Variants in ZNF136 observed in about 807,000 individuals in gnomAD.
The protein encoded by ZNF136 is zinc finger protein 136 (clone pHZ-20).
In ZNF136, 8 loss-of-function variants were observed where a neutral mutation model predicts 11.4. The ratio of observed to expected loss-of-function variants is 0.70; its 90% CI spans 0.41 to 1.27. The LOEUF is 1.27. Among genes scored for constraint, ZNF136 ranks in the 50% most tolerant of loss-of-function variants. The pLI is 0.01. For missense variants in ZNF136, 590 were observed against 656.5 expected, an observed-to-expected ratio of 0.90 and a Z score of 1.11; for synonymous variants, 190 against 207.1, an observed-to-expected ratio of 0.92 and a Z score of 0.71.
chr19:12,174,132 T>C (rs1914728250), intron 1 of ZNF136, among the ~76,000 whole-genome samples: 1 of 152,200 alleles, frequency 6.6e-6, no homozygotes, highest in Non-Finnish European at 1.5e-5. Flanking sequence ...CTCAATCTCC[T>C]GGCCTCAGGT....
At chr19:12,169,748 T>C (rs1568397731) in intron 1 of ZNF136, among the ~76,000 whole-genome samples, 4 of 147,240 alleles carry the variant, frequency 2.7e-5, no homozygotes, top group Non-Finnish European at 6.0e-5. Flanking sequence ...AGCTGGGACT[T>C]ACAGGCGCCC....
At chr19:12,163,764 T>G (rs1368119691) in intron 1 of ZNF136, 1 of 152,738 alleles carries the variant, frequency 6.5e-6, no homozygotes, top group African/African-American at 2.4e-5. Flanking sequence ...TTTCAGATAT[T>G]GTGCTTTCAT....
chr19:12,176,623 A>G (rs1914800720), intron 1 of ZNF136, among the ~76,000 whole-genome samples: 1 of 152,146 alleles, frequency 6.6e-6, no homozygotes, highest in Non-Finnish European at 1.5e-5. Flanking sequence ...CACTGCGCCC[A>G]GCCTTTCCAT....
chr19:12,186,878 T>G lies in ZNF136; in HGVS notation c.500T>G (p.Leu167Arg), dbSNP rs2145643361. Reference protein sequence around the residue: ...THEIIHTGEKLYDCKECGKTF... With the variant: ...THEIIHTGEKRYDCKECGKTF... The stretch of plus-strand genomic sequence containing the variant: ...GAGATAATTCACACTGGAGAGAAAC[T>G]CTATGATTGTAAGGAATGTGGAAAA... The change falls in exon 4 of 4, where the codon CTC (leucine) becomes CGC (arginine). Residue 167 changes from leucine to arginine, a missense_variant. By Grantham distance (102) the Leu-to-Arg change is moderately radical. Coordinates refer to ENST00000343979, the MANE Select transcript of ZNF136 (RefSeq NM_003437.5). 1 of 1,613,396 alleles carries G rather than the reference T, an allele frequency of 6.2e-7. No individual in the cohort carries two copies. Among genetic ancestry groups the G allele is most frequent in the Non-Finnish European group, 8.5e-7 (1 of 1,179,772 alleles).
At chr19:12,163,344 C>A in intron 1 of ZNF136, 138 bp downstream of exon 1, 1 of 1,158,862 alleles carries the variant, frequency 8.6e-7, no homozygotes, top group Non-Finnish European at 1.1e-6. Context: ...CAGCTCAGCC[C>A]TTGGTACCCT....
At chr19:12,167,566 A>C (rs189657954) in intron 1 of ZNF136, among the ~76,000 whole-genome samples, 12 of 152,216 alleles carry the variant, frequency 7.9e-5, no homozygotes, top group African/African-American at 2.9e-4. Flanking sequence ...TCTCAAAAAA[A>C]AGAAAAGATA....
intron 1 of ZNF136, among the ~76,000 whole-genome samples, chr19:12,166,654 G>T (rs1019142840): frequency 6.6e-6 from 1 of 152,136 alleles, no homozygotes; most frequent in Admixed American, 6.6e-5. Context: ...TTTACTAAAT[G>T]ATTTGTTATC....
At chr19:12,180,860 C>A (rs1367888531) in intron 1 of ZNF136, among the ~76,000 whole-genome samples, 2 of 152,218 alleles carry the variant, frequency 1.3e-5, no homozygotes, top group Admixed American at 6.5e-5. Flanking sequence ...GAGGAAGGCA[C>A]ACCACTGCAT....
rs751872403 is a variant in ZNF136, at chr19:12,163,189, C to G, written c.-15C>G. The G allele has an allele frequency of 4.3e-6, 6 of 1,400,608 alleles. No individual in the cohort carries two copies. In the African/African-American group the frequency reaches 8.9e-5, roughly 21 times the overall value. 86.8% of individuals were successfully genotyped at this position (1,400,608 alleles called of 1,614,324 possible). On this transcript the variant is annotated 5_prime_UTR_variant, in exon 1 of 4. Transcript: ENST00000343979. The stretch of plus-strand genomic sequence containing the variant: ...GATCCGGAGGGAGGAAGCTGGGACA[C>G]CCGGGAGTCAGGAAATGGTGAGTGT...
intron 1 of ZNF136, among the ~76,000 whole-genome samples, chr19:12,183,363 T>A (rs1334728898): frequency 6.6e-6 from 1 of 152,132 alleles, no homozygotes; most frequent in African/African-American, 2.4e-5. Context: ...CTCAATCTCC[T>A]GAGCTCAAGT....
At position 12,187,719 on chromosome 19, in the gene ZNF136, C is replaced by T. The variant is rs753836443; in HGVS notation, c.1341C>T (p.Pro447=). 1.2e-6 allele frequency: 2 copies of T among 1,613,686 alleles called. No homozygotes were observed. Among genetic ancestry groups the T allele is most frequent in the South Asian group, 1.1e-5 (1 of 91,022 alleles). Residue 447 remains proline (P), a synonymous_variant, in exon 4 of 4, where the codon CCC becomes CCT. Coordinates refer to ENST00000343979, the MANE Select transcript of ZNF136 (RefSeq NM_003437.5). The stretch of plus-strand genomic sequence containing the variant: ...AAAGAACTCATACTGGAGAGAAACC[C>T]TATGAGTGTAAGCAATGTGGGAAAG... ...IHERTHTGEK[P]YECKQCGKAF...
intron 1 of ZNF136, among the ~76,000 whole-genome samples, chr19:12,164,113 G>A (rs898722601): frequency 3.9e-5 from 6 of 152,230 alleles, no homozygotes; most frequent in Admixed American, 6.5e-5. Flanking sequence ...ATAGAAGGCT[G>A]GGAGAATGCC....
Position 12,187,377 on chromosome 19 carries a change from G to C in ZNF136, c.999G>C (p.Glu333Asp). Reference sequence around the variant, plus strand: ...TACATGAAAGAATTCACACTGGTGAGAAACCCTTCGTATGTAAACAATGTG... The same window carrying C: ...TACATGAAAGAATTCACACTGGTGACAAACCCTTCGTATGTAAACAATGTG... Reference protein sequence around the residue: ...LRLHERIHTGEKPFVCKQCGK... With the variant: ...LRLHERIHTGDKPFVCKQCGK... Residue 333 changes from glutamate (E) to aspartate (D), a missense_variant, in exon 4 of 4, where the codon GAG (glutamate) becomes GAC (aspartate). Glu to Asp is a conservative substitution (Grantham distance 45). Coordinates refer to ENST00000343979, the MANE Select transcript of ZNF136 (RefSeq NM_003437.5). The C allele has an allele frequency of 1.2e-6, 2 of 1,614,020 alleles. No homozygotes were observed. The highest frequency in any genetic ancestry group is 1.7e-6 in the Non-Finnish European group (2 of 1,179,992).
At chr19:12,174,367 C>T (rs1914733808) in intron 1 of ZNF136, among the ~76,000 whole-genome samples, 1 of 152,100 alleles carries the variant, frequency 6.6e-6, no homozygotes, top group African/African-American at 2.4e-5. Flanking sequence ...TGTCCCTGTC[C>T]CTGTGTCGAA....
At chr19:12,175,208 T>G (rs552924625) in intron 1 of ZNF136, among the ~76,000 whole-genome samples, 86 of 151,334 alleles carry the variant, frequency 5.7e-4, no homozygotes, top group African/African-American at 1.4e-3. Flanking sequence ...TTTTTTTTTT[T>G]GGGGGGGACA....
chr19:12,184,396 TA>T (rs1180035328), intron 1 of ZNF136, among the ~76,000 whole-genome samples: 3 of 151,770 alleles, frequency 2.0e-5, no homozygotes, highest in African/African-American at 7.3e-5. Flanking sequence ...CTGTCTGTAC[TA>T]AAAAATACAA....
rs188834022 is a variant in ZNF136, at chr19:12,189,845, G to A, written c.*1844G>A. ...GATTTTGGGATAAGGAGACAGCTAT[G>A]ATAGAATAATAAAATCTAAAATGGG... is the stretch of plus-strand genomic sequence containing the variant. On this transcript the variant is annotated 3_prime_UTR_variant, in exon 4 of 4. Coordinates refer to ENST00000343979, the MANE Select transcript of ZNF136 (RefSeq NM_003437.5). 25 of 152,302 alleles carry A rather than the reference G, an allele frequency of 1.6e-4. No homozygotes were observed. The highest frequency in any genetic ancestry group is 2.6e-4 in the Admixed American group (4 of 15,290). The allele number at this position is 152,302 out of a possible 1,614,324, so 9.4% of individuals were successfully genotyped here.
chr19:12,188,004 C>T lies in ZNF136; in HGVS notation c.*3C>T. ...AATGCATGTGGGAAAGCCTTTAATG[C>T]TCTGGGTTCATGTCAGATACATTAA... On this transcript the variant is annotated 3_prime_UTR_variant, in exon 4 of 4. Coordinates refer to ENST00000343979, the MANE Select transcript of ZNF136 (RefSeq NM_003437.5). 4 of 1,516,750 alleles carry T rather than the reference C, an allele frequency of 2.6e-6. No individual in the cohort carries two copies. Among genetic ancestry groups the T allele is most frequent in the Non-Finnish European group, 3.5e-6 (4 of 1,136,304 alleles). The allele number at this position is 1,516,750 out of a possible 1,614,324, so 94.0% of individuals were successfully genotyped here.
Position 12,188,344 on chromosome 19 carries a change from A to G in ZNF136, c.*343A>G, listed in dbSNP as rs1915172994. On this transcript the variant is annotated 3_prime_UTR_variant, in exon 4 of 4. Transcript: ENST00000343979. ...GTGGAGAGAACCTTGGTAAATGTAA[A>G]GAGTGTGGGAGAGCCTTTAGTCATT... 1 of 183,696 alleles carries G rather than the reference A, an allele frequency of 5.4e-6. No individual in the cohort carries two copies. Among genetic ancestry groups the G allele is most frequent in the African/African-American group, 2.3e-5 (1 of 42,612 alleles). 11.4% of individuals were successfully genotyped at this position (183,696 alleles called of 1,614,324 possible). A position where few individuals can be genotyped will look rare whatever the true frequency, so the allele number is the denominator to read the frequency against.
Sources: allele counts gnomAD v4.1 joint callset (sites outside exome capture counted in the v4.1 genomes callset), GRCh38; gene constraint gnomAD v4.1.1; transcripts MANE v1.5; gene names NCBI Gene and HGNC (gene_info 2026-07-23, HGNC 2026-07-21).